UBASH3B: variants seen among roughly 807,000 people sequenced by gnomAD.
UBASH3B encodes ubiquitin-associated and SH3 domain-containing protein B.
UBASH3B carries 37 observed loss-of-function variants against 83.4 expected under a neutral mutation model. The observed-to-expected ratio is 0.44, with a 90% confidence interval of 0.34 to 0.58. The LOEUF (loss-of-function observed/expected upper bound fraction) is 0.58, where lower values mean the gene tolerates loss of function less well. Ranked by LOEUF, UBASH3B falls within the 20% of genes least tolerant of loss-of-function variation. The probability of loss-of-function intolerance (pLI) is 0.01; values close to 1 mark genes in which losing one functional copy is unlikely to be tolerated. For missense variants in UBASH3B, 657 were observed against 827.2 expected (o/e 0.79, Z 2.52); for synonymous variants, 304 against 318.3 (o/e 0.96, Z 0.48).
intron 1 of UBASH3B, among the ~76,000 whole-genome samples, chr11:122,715,587 GA>G (rs1860507625): frequency 6.6e-6 from 1 of 152,174 alleles, no homozygotes; most frequent in South Asian, 2.1e-4. Context: ...ACACGGATCC[GA>G]AAGCCCAGTA....
At chr11:122,749,064 C>G (rs1367851972) in intron 1 of UBASH3B, among the ~76,000 whole-genome samples, 1 of 152,184 alleles carries the variant, frequency 6.6e-6, no homozygotes, top group Non-Finnish European at 1.5e-5. Context: ...ACTGTGTGCC[C>G]CATACTACAC....
chr11:122,801,910 C>A (rs1861264465), intron 11 of UBASH3B, among the ~76,000 whole-genome samples: 1 of 152,212 alleles, frequency 6.6e-6, no homozygotes, highest in South Asian at 2.1e-4. Context: ...ATCTGCTGTA[C>A]AGTCATCTCA....
At chr11:122,737,590 T>G (rs11218787) in intron 1 of UBASH3B, among the ~76,000 whole-genome samples, 66,650 of 144,818 alleles carry the variant, frequency 0.46, 14,989 homozygotes, top group East Asian at 0.59. Flanking sequence ...CTCCCAGCAT[T>G]CTCTCTGTGT....
Position 122,806,466 on chromosome 11 carries a change from G to C in UBASH3B, c.1652G>C (p.Ser551Thr). 6.2e-7 allele frequency: 1 copy of C among 1,606,716 alleles called. No homozygotes were observed. The highest frequency in any genetic ancestry group is 8.5e-7 in the Non-Finnish European group (1 of 1,177,600). ...TCAGAATCCTATGATACTTATATCA[G>C]TAGAAGTTTCCAAGTAACAAAAGAA... The part of the protein sequence containing the change: ...VVSESYDTYI[S>T]RSFQVTKEII... Residue 551 changes from serine (S) to threonine (T), a missense_variant, in exon 12 of 14, where the codon AGT becomes ACT. Around this residue, in one of 3 missense-constraint regions of UBASH3B, gnomAD observed 573 missense variants for 739.0 expected, o/e 0.78. Transcript: ENST00000284273. The surrounding 1 kb of genome is among the most constrained non-coding windows in gnomAD (Gnocchi z 4.0).
chr11:122,741,754 T>C (rs1395273532), intron 1 of UBASH3B, among the ~76,000 whole-genome samples: 1 of 152,096 alleles, frequency 6.6e-6, no homozygotes, highest in Non-Finnish European at 1.5e-5. Context: ...TGAACTTGGG[T>C]GGCCAGGCTG....
In UBASH3B at chr11:122,785,517, C is replaced by T. The variant is rs187510428; in HGVS notation, c.771+2295C>T. Among the ~76,000 whole-genome samples the T allele has an allele frequency of 2.2e-3, 336 of 152,296 alleles. 4 individuals carry two copies. Among genetic ancestry groups the T allele is most frequent in the African/African-American group, 7.4e-3 (307 of 41,568 alleles). On this transcript the variant is annotated intron_variant, in intron 5 of 13. Transcript: ENST00000284273. Reference sequence around the variant, plus strand: ...TTCCTCTGCTATTTAGATTCTCACTCGATTTGGACACGCGAATCCCATTTG... The same window carrying T: ...TTCCTCTGCTATTTAGATTCTCACTTGATTTGGACACGCGAATCCCATTTG...
At chr11:122,808,321 TG>T in intron 13 of UBASH3B, 145 bp downstream of exon 13, 1 of 741,170 alleles carries the variant, frequency 1.3e-6, no homozygotes, top group Non-Finnish European at 2.4e-6. Context: ...CAAGATGTAT[TG>T]AGTGATACTC....
At chr11:122,673,047 T>C (rs946257037) in intron 1 of UBASH3B, among the ~76,000 whole-genome samples, 5 of 152,214 alleles carry the variant, frequency 3.3e-5, no homozygotes, top group Non-Finnish European at 5.9e-5. Flanking sequence ...AGATGAGCCC[T>C]CAGCATTCGC....
At chr11:122,657,489 A>G (rs1423200859) in intron 1 of UBASH3B, among the ~76,000 whole-genome samples, 1 of 152,036 alleles carries the variant, frequency 6.6e-6, no homozygotes, top group Non-Finnish European at 1.5e-5. Flanking sequence ...GGGTTCTGCC[A>G]TGTTGGCCAG....
chr11:122,762,635 T>C (rs557449981), intron 1 of UBASH3B, among the ~76,000 whole-genome samples: 16 of 152,364 alleles, frequency 1.1e-4, no homozygotes, highest in African/African-American at 3.4e-4. Flanking sequence ...ATCTGCGTCA[T>C]GTGCGCTCTT....
At chr11:122,690,645 A>G (rs1591771014) in intron 1 of UBASH3B, among the ~76,000 whole-genome samples, 1 of 152,110 alleles carries the variant, frequency 6.6e-6, no homozygotes, top group Non-Finnish European at 1.5e-5. Flanking sequence ...TCATGAGCCC[A>G]GCAGCTGCTA....
intron 13 of UBASH3B, among the ~76,000 whole-genome samples, chr11:122,808,987 C>T (rs536979952): frequency 1.9e-4 from 27 of 142,572 alleles, no homozygotes; most frequent in African/African-American, 4.6e-4. Flanking sequence ...AAAAAAAAAA[C>T]GGGTGAAACA....
chr11:122,707,235 TTCTTG>T (rs1307717705), intron 1 of UBASH3B, among the ~76,000 whole-genome samples: 1 of 152,164 alleles, frequency 6.6e-6, no homozygotes, highest in East Asian at 1.9e-4. Flanking sequence ...CCTACTTACT[TTCTTG>T]GAAGCCATTA....
chr11:122,796,420 T>C (rs1051166416), intron 8 of UBASH3B, 144 bp downstream of exon 8: 14 of 1,304,882 alleles, frequency 1.1e-5, no homozygotes, highest in African/African-American at 3.0e-5. Context: ...CCCTCCTGAT[T>C]GTCTTGAGCT....
At chr11:122,703,797 G>T (rs1332364213) in intron 1 of UBASH3B, among the ~76,000 whole-genome samples, 1 of 152,242 alleles carries the variant, frequency 6.6e-6, no homozygotes, top group Admixed American at 6.5e-5. Context: ...ATGGCGCCCT[G>T]ATACTGGTTT....
chr11:122,777,267 C>T, intron 3 of UBASH3B, 57 bp downstream of exon 3: 1 of 1,539,610 alleles, frequency 6.5e-7, no homozygotes, highest in Non-Finnish European at 8.8e-7. Context: ...CCAGCCGGCC[C>T]TTTGGGACCT....
At chr11:122,736,460 A>G (rs1391188387) in intron 1 of UBASH3B, among the ~76,000 whole-genome samples, 1 of 151,996 alleles carries the variant, frequency 6.6e-6, no homozygotes, top group Non-Finnish European at 1.5e-5. Context: ...GAGGAGAGAG[A>G]CAGATAAAAC....
intron 1 of UBASH3B, among the ~76,000 whole-genome samples, chr11:122,707,343 T>C (rs969934191): frequency 2.0e-5 from 3 of 152,106 alleles, no homozygotes; most frequent in Non-Finnish European, 2.9e-5. Flanking sequence ...CGGGGAGTGG[T>C]AACCTTTTCC....
intron 1 of UBASH3B, among the ~76,000 whole-genome samples, chr11:122,772,592 A>C (rs934212916): frequency 1.3e-5 from 2 of 152,068 alleles, no homozygotes; most frequent in Non-Finnish European, 2.9e-5. Context: ...TTCCTTGCAA[A>C]CCTCCTTCAA....
Sources: gnomAD v4.1 joint callset for allele counts (sites outside exome capture counted in the v4.1 genomes callset) on GRCh38, gnomAD v4.1.1 for gene constraint, gnomAD v4.1.1 regional missense constraint, Gnocchi (gnomAD v3.1) non-coding constraint, MANE v1.5 for transcripts, NCBI Gene and HGNC (gene_info 2026-07-23, HGNC 2026-07-21) for gene names.